Variants in ZNF804B observed in about 807,000 individuals in gnomAD.
ZNF804B encodes zinc finger protein 804B.
Under a neutral mutation model 101.4 loss-of-function variants are expected in ZNF804B, and 80 were observed. That is an observed-to-expected ratio of 0.79 (90% CI 0.66 to 0.95). ZNF804B has a LOEUF of 0.95. Among genes scored for constraint, ZNF804B ranks in the 40% least tolerant of loss-of-function variants. The pLI is 0.00. For synonymous variants in ZNF804B, 622 were observed against 558.8 expected (o/e 1.11, Z -1.59); for missense variants, 1,673 against 1,561.9 (o/e 1.07, Z -1.20).
chr7:88,864,282 A>G (rs938917379), intron 1 of ZNF804B, among the ~76,000 whole-genome samples: 1 of 152,218 alleles, frequency 6.6e-6, no homozygotes, highest in Non-Finnish European at 1.5e-5. Context: ...TTTTGTTGCA[A>G]TGAATGAGAC....
intron 1 of ZNF804B, among the ~76,000 whole-genome samples, chr7:89,118,286 G>A (rs961990936): frequency 6.6e-6 from 1 of 152,072 alleles, no homozygotes; most frequent in Non-Finnish European, 1.5e-5. Flanking sequence ...TCGGAATTAG[G>A]TAACCAGGTC....
chr7:89,217,509 T>C (rs1788915846), intron 1 of ZNF804B, among the ~76,000 whole-genome samples: 1 of 152,236 alleles, frequency 6.6e-6, no homozygotes, highest in Non-Finnish European at 1.5e-5. Flanking sequence ...CATTTGCCAC[T>C]ATTATTCTAT....
At chr7:89,262,149 G>C (rs1411752850) in intron 2 of ZNF804B, among the ~76,000 whole-genome samples, 1 of 152,282 alleles carries the variant, frequency 6.6e-6, no homozygotes, top group Middle Eastern at 3.4e-3. Flanking sequence ...CAACTTCGTT[G>C]ATTGACCTGG....
At chr7:89,323,054 T>G (rs1355570725) in intron 2 of ZNF804B, among the ~76,000 whole-genome samples, 1 of 152,216 alleles carries the variant, frequency 6.6e-6, no homozygotes, top group African/African-American at 2.4e-5. Context: ...CCTTCGTGAG[T>G]GGGATTAGTG....
chr7:89,282,743 A>G (rs1020009477), intron 2 of ZNF804B, among the ~76,000 whole-genome samples: 1 of 152,206 alleles, frequency 6.6e-6, no homozygotes, highest in Non-Finnish European at 1.5e-5. Context: ...GATACACAGA[A>G]GAGCCTCTTT....
intron 2 of ZNF804B, among the ~76,000 whole-genome samples, chr7:89,242,652 A>C (rs2115767104): frequency 6.6e-6 from 1 of 151,974 alleles, no homozygotes; most frequent in South Asian, 2.1e-4. Context: ...AACTTAAAAT[A>C]ATACAGTATT....
intron 1 of ZNF804B, among the ~76,000 whole-genome samples, chr7:89,083,349 A>G (rs1240928523): frequency 1.3e-5 from 2 of 151,840 alleles, no homozygotes; most frequent in African/African-American, 4.8e-5. Flanking sequence ...ATACATGTTT[A>G]TAATCATATC....
chr7:89,152,918 T>C (rs1484413314), intron 1 of ZNF804B, among the ~76,000 whole-genome samples: 1 of 152,142 alleles, frequency 6.6e-6, no homozygotes, highest in Non-Finnish European at 1.5e-5. Flanking sequence ...CCTTTGCCCC[T>C]GCCACCTTTG....
rs750365197 is a variant in ZNF804B, at chr7:89,327,370, A to G, written c.276A>G (p.Glu92=). 3.1e-6 allele frequency: 5 copies of G among 1,607,172 alleles called. No individual in the cohort carries two copies. The East Asian group carries it at 6.7e-5, about 22-fold the overall frequency. Residue 92 remains glutamate, a synonymous_variant, in exon 3 of 4, where the codon GAA becomes GAG. Transcript: ENST00000333190. ...KQRLKELKQR[E]FARNVASKSW... Reference sequence around the variant, plus strand: ...GACTGAAAGAATTAAAGCAACGGGAATTTGCTCGAAATGTAGCTTCTAAGT... The same window carrying G: ...GACTGAAAGAATTAAAGCAACGGGAGTTTGCTCGAAATGTAGCTTCTAAGT...
intron 2 of ZNF804B, among the ~76,000 whole-genome samples, chr7:89,219,989 G>GCACACA (rs1788965359): frequency 5.1e-5 from 7 of 137,874 alleles, no homozygotes; most frequent in African/African-American, 2.0e-4. Context: ...ACATATGTGT[G>GCACACA]CATATATGTA....
Position 89,291,322 on chromosome 7 carries a change from G to A in ZNF804B, c.250-36022G>A, listed in dbSNP as rs192543676. On this transcript the variant is annotated intron_variant, in intron 2 of 3. Transcript: ENST00000333190. ...ACCAATCATATTGAAACAGTGATATGTGACTTTTCAGACAGAGAATTTAAA... is the reference window on the plus strand; with the variant it reads ...ACCAATCATATTGAAACAGTGATATATGACTTTTCAGACAGAGAATTTAAA... 2.1e-4 allele frequency among the ~76,000 whole-genome samples: 32 copies of A among 152,300 alleles called. No homozygotes were observed. In the East Asian group the frequency reaches 5.8e-3, roughly 28 times the overall value.
At chr7:88,771,124 T>C in intron 1 of ZNF804B, among the ~76,000 whole-genome samples, 1 of 152,138 alleles carries the variant, frequency 6.6e-6, no homozygotes, top group Admixed American at 6.6e-5. Context: ...ACATCCTGTA[T>C]CCAGAGGGTA....
intron 2 of ZNF804B, among the ~76,000 whole-genome samples, chr7:89,261,002 A>G (rs1361213582): frequency 6.6e-6 from 1 of 152,218 alleles, no homozygotes; most frequent in East Asian, 1.9e-4. Context: ...TTTTACTGCT[A>G]TATGCAATTT....
At position 89,012,384 on chromosome 7, in the gene ZNF804B, T is replaced by G. The variant is rs1462621660; in HGVS notation, c.109-205771T>G. ...ACTCATGCAAATTTCTGCAGACTGC[T>G]TGAATTTCTCCTCAGAAAATGGATT... On this transcript the variant is annotated intron_variant, in intron 1 of 3. Transcript: ENST00000333190. 3.3e-5 allele frequency among the ~76,000 whole-genome samples: 5 copies of G among 152,188 alleles called. No individual in the cohort carries two copies. The East Asian group carries it at 9.6e-4, about 29-fold the overall frequency.
chr7:89,037,796 T>C (rs1262866513), intron 1 of ZNF804B, among the ~76,000 whole-genome samples: 3 of 152,128 alleles, frequency 2.0e-5, no homozygotes, highest in African/African-American at 4.8e-5. Flanking sequence ...TTTGACCAAC[T>C]CTTCCCACTT....
chr7:88,847,306 A>G (rs1791389574), intron 1 of ZNF804B, among the ~76,000 whole-genome samples: 1 of 152,084 alleles, frequency 6.6e-6, no homozygotes, highest in Non-Finnish European at 1.5e-5. Context: ...ATCAAAAAAA[A>G]TTTGTTCAAG....
intron 2 of ZNF804B, among the ~76,000 whole-genome samples, chr7:89,288,718 G>T (rs948218924): frequency 1.3e-5 from 2 of 151,992 alleles, no homozygotes; most frequent in Non-Finnish European, 2.9e-5. Context: ...AGGGATTTTC[G>T]GCAGCCCACA....
intron 2 of ZNF804B, among the ~76,000 whole-genome samples, chr7:89,235,790 G>A (rs1198023134): frequency 4.6e-5 from 7 of 150,810 alleles, no homozygotes; most frequent in Admixed American, 4.6e-4. Flanking sequence ...TGTAACAATT[G>A]ACTAAACTGA....
intron 2 of ZNF804B, 92 bp downstream of exon 2, chr7:89,218,387 G>A: frequency 1.4e-6 from 2 of 1,415,930 alleles, no homozygotes; most frequent in Non-Finnish European, 1.9e-6. Context: ...TGCCATATAA[G>A]ACTGTGAGGT....
Sources: gnomAD v4.1 joint callset for allele counts (sites outside exome capture counted in the v4.1 genomes callset) on GRCh38, gnomAD v4.1.1 for gene constraint, MANE v1.5 for transcripts, NCBI Gene and HGNC (gene_info 2026-07-23, HGNC 2026-07-21) for gene names.